PRUNE2: variants seen among roughly 807,000 people sequenced by gnomAD.
PRUNE2 encodes protein prune homolog 2.
A neutral mutation model predicts 252.0 loss-of-function variants in PRUNE2; 164 were observed. The observed-to-expected ratio is 0.65, with a 90% CI of 0.57 to 0.74. PRUNE2 has a LOEUF of 0.74. Among genes scored for constraint, PRUNE2 ranks in the 30% least tolerant of loss-of-function variants. The pLI is 0.00. For synonymous variants in PRUNE2, 1,292 were observed against 1,350.2 expected, an observed-to-expected ratio of 0.96 and a Z score of 0.94; for missense variants, 3,495 against 3,711.0, an observed-to-expected ratio of 0.94 and a Z score of 1.51.
intron 5 of PRUNE2, among the ~76,000 whole-genome samples, chr9:76,825,630 T>C (rs1342659511): frequency 2.0e-5 from 3 of 152,202 alleles, no homozygotes; most frequent in East Asian, 3.9e-4. Flanking sequence ...CTGCCTGCTA[T>C]GTGTGTTTGA....
chr9:76,823,810 A>G, intron 5 of PRUNE2, 84 bp from the exon 6 acceptor site: 1 of 794,330 alleles, frequency 1.3e-6, no homozygotes, highest in Non-Finnish European at 2.1e-6. Context: ...TGAAGAATTT[A>G]CTCTGTAAAT....
At chr9:76,863,304 G>A (rs1292611505) in intron 1 of PRUNE2, 1 of 152,048 alleles carries the variant, frequency 6.6e-6, no homozygotes, top group African/African-American at 2.4e-5. Flanking sequence ...TTGTGTATTT[G>A]AACATTATCA....
intron 6 of PRUNE2, among the ~76,000 whole-genome samples, chr9:76,741,099 A>G (rs890971825): frequency 6.6e-6 from 1 of 152,238 alleles, no homozygotes; most frequent in African/African-American, 2.4e-5. Context: ...TCCATTAAGT[A>G]TAATACATTT....
chr9:76,834,151 G>A (rs1371525928), intron 4 of PRUNE2, among the ~76,000 whole-genome samples: 1 of 151,930 alleles, frequency 6.6e-6, no homozygotes, highest in Non-Finnish European at 1.5e-5. Flanking sequence ...CCAAGGTGCT[G>A]GGATAACAGG....
intron 6 of PRUNE2, among the ~76,000 whole-genome samples, chr9:76,762,646 C>T (rs1304942576): frequency 6.6e-6 from 1 of 152,170 alleles, no homozygotes; most frequent in Non-Finnish European, 1.5e-5. Flanking sequence ...AAAATGCAGG[C>T]AGTGTAGAAT....
Position 76,670,048 on chromosome 9 carries a change from C to T in PRUNE2, c.8277-14546G>A, listed in dbSNP as rs550519173. Among the ~76,000 whole-genome samples the T allele has an allele frequency of 7.2e-5, 11 of 152,268 alleles. No individual in the cohort carries two copies. The East Asian group carries it at 2.1e-3, about 29-fold the overall frequency. On this transcript the variant is annotated intron_variant, in intron 9 of 18. Coordinates refer to ENST00000376718, the MANE Select transcript of PRUNE2 (RefSeq NM_015225.3). Reference sequence around the variant, plus strand: ...ACTTAACAAAATCTTCGGGGAGGAGCCAAGATGGCCGAATAGGAACAGCTC... The same window carrying T: ...ACTTAACAAAATCTTCGGGGAGGAGTCAAGATGGCCGAATAGGAACAGCTC...
intron 6 of PRUNE2, chr9:76,786,906 T>C (rs2055045224): frequency 6.6e-6 from 1 of 152,246 alleles, no homozygotes; most frequent in South Asian, 2.1e-4. Context: ...TTGTGGTACA[T>C]GCATGCAAGA....
intron 6 of PRUNE2, among the ~76,000 whole-genome samples, chr9:76,770,247 T>C (rs988527088): frequency 2.0e-5 from 3 of 152,142 alleles, no homozygotes; most frequent in African/African-American, 7.2e-5. Context: ...TTAATTAGAG[T>C]GTGTTTATTT....
chr9:76,896,005 G>A (rs2062799580), intron 1 of PRUNE2, among the ~76,000 whole-genome samples: 1 of 152,138 alleles, frequency 6.6e-6, no homozygotes, highest in South Asian at 2.1e-4. Flanking sequence ...TTGAATTCCT[G>A]GCCTCAAGAT....
chr9:76,814,922 C>T (rs2057587715), intron 6 of PRUNE2, among the ~76,000 whole-genome samples: 2 of 152,190 alleles, frequency 1.3e-5, no homozygotes, highest in Non-Finnish European at 2.9e-5. Flanking sequence ...CATGCATCTC[C>T]TCCCATAGTT....
In PRUNE2 at chr9:76,798,312, G is replaced by A. The variant is rs193081440; in HGVS notation, c.756+25320C>T. On this transcript the variant is annotated intron_variant, in intron 6 of 18. Transcript: ENST00000376718. The stretch of plus-strand genomic sequence containing the variant: ...CCATTTCTTTCTTCACCCAGCACCT[G>A]GCAACTACCATACTGGTTCCTGTCT... Among the ~76,000 whole-genome samples, 349 of 152,134 alleles carry A rather than the reference G, an allele frequency of 2.3e-3. 1 individual carries two copies. Among genetic ancestry groups the A allele is most frequent in the Middle Eastern group, 6.8e-3 (2 of 294 alleles).
intron 6 of PRUNE2, among the ~76,000 whole-genome samples, chr9:76,796,550 C>T (rs556872499): frequency 7.2e-5 from 11 of 152,326 alleles, no homozygotes; most frequent in Admixed American, 5.2e-4. Flanking sequence ...ATGCTACTCA[C>T]ACAACCTGTT....
intron 6 of PRUNE2, among the ~76,000 whole-genome samples, chr9:76,724,230 G>A (rs763085550): frequency 3.4e-5 from 5 of 148,706 alleles, no homozygotes; most frequent in Admixed American, 6.7e-5. Context: ...AGGCTGAGGC[G>A]GGCAGATCAC....
chr9:76,796,895 C>G (rs1002952086), intron 6 of PRUNE2, among the ~76,000 whole-genome samples: 1 of 152,196 alleles, frequency 6.6e-6, no homozygotes, highest in Non-Finnish European at 1.5e-5. Flanking sequence ...CAAACTGAAA[C>G]ATTCATTCTT....
chr9:76,875,513 G>A lies in PRUNE2; in HGVS notation c.37-21305C>T, dbSNP rs150033829. ...CCCGAGTAGCTGGGACTACAGACAC[G>A]TGCCACCATGCCCGGCCAATTTTTG... On this transcript the variant is annotated intron_variant, in intron 1 of 18. Coordinates refer to ENST00000376718, the MANE Select transcript of PRUNE2 (RefSeq NM_015225.3). 4.9e-3 allele frequency among the ~76,000 whole-genome samples: 753 copies of A among 152,134 alleles called. 7 individuals carry two copies. The highest frequency in any genetic ancestry group is 0.017 in the African/African-American group (726 of 41,506).
chr9:76,706,673 G>A lies in PRUNE2; in HGVS notation c.5601C>T (p.Pro1867=). The A allele has an allele frequency of 1.2e-6, 2 of 1,613,736 alleles. No homozygotes were observed. The highest frequency in any genetic ancestry group is 1.7e-6 in the Non-Finnish European group (2 of 1,179,804). ...INSSVHQNAS[P]WGVPVQGDIE... The stretch of plus-strand genomic sequence containing the variant: ...TATCACCCTGAACTGGTACTCCCCA[G>A]GGACTGGCATTTTGGTGTACTGAAG... The change falls in exon 8 of 19, where the codon CCC becomes CCT. Residue 1867 remains proline (P), a synonymous_variant. Transcript: ENST00000376718.
intron 1 of PRUNE2, among the ~76,000 whole-genome samples, chr9:76,861,016 AAGG>A (rs1451793319): frequency 6.6e-6 from 1 of 152,106 alleles, no homozygotes; most frequent in Non-Finnish European, 1.5e-5. Context: ...CAAGGATGGG[AAGG>A]AGGAGACCTA....
intron 6 of PRUNE2, among the ~76,000 whole-genome samples, chr9:76,746,729 A>C (rs1413931844): frequency 6.6e-6 from 1 of 150,594 alleles, no homozygotes; most frequent in African/African-American, 2.4e-5. Context: ...AAAAAAAAAA[A>C]AAAAAAAAAA....
intron 11 of PRUNE2, among the ~76,000 whole-genome samples, chr9:76,648,721 A>G (rs1475956810): frequency 2.0e-5 from 3 of 152,204 alleles, no homozygotes; most frequent in Non-Finnish European, 2.9e-5. Context: ...TGATACTACA[A>G]TGGTGGATAA....
Sources: allele counts gnomAD v4.1 joint callset (sites outside exome capture counted in the v4.1 genomes callset), GRCh38; gene constraint gnomAD v4.1.1; transcripts MANE v1.5; gene names NCBI Gene and HGNC (gene_info 2026-07-23, HGNC 2026-07-21).